Variants in MORN4 observed in about 807,000 individuals in gnomAD.
The protein encoded by MORN4 is MORN repeat containing 4, also known as MORN repeat-containing protein 4.
MORN4 carries 8 observed loss-of-function variants against 16.4 expected under a neutral mutation model. That is an observed-to-expected ratio of 0.49 (90% CI 0.29 to 0.88). The LOEUF is 0.88. Among genes scored for constraint, MORN4 ranks in the 40% least tolerant of loss-of-function variants. The probability of loss-of-function intolerance (pLI) is 0.09; values close to 1 mark genes in which losing one functional copy is unlikely to be tolerated. For missense variants in MORN4, 159 were observed against 182.9 expected, an observed-to-expected ratio of 0.87 and a Z score of 0.75; for synonymous variants, 53 against 68.9, an observed-to-expected ratio of 0.77 and a Z score of 1.14.
chr10:97,631,626 A>C (rs1050071532), intron 1 of MORN4, among the ~76,000 whole-genome samples: 3 of 152,088 alleles, frequency 2.0e-5, no homozygotes, highest in Non-Finnish European at 4.4e-5. Context: ...ATTAAAAAAA[A>C]AAAAACTGAC....
chr10:97,620,260 G>A (rs1207021206), intron 1 of MORN4, among the ~76,000 whole-genome samples: 2 of 151,886 alleles, frequency 1.3e-5, no homozygotes, highest in Non-Finnish European at 2.9e-5. Flanking sequence ...GCCGAGGTGG[G>A]TGGGATGACC....
At chr10:97,625,729 A>C (rs66539791) in intron 1 of MORN4, among the ~76,000 whole-genome samples, 18,937 of 152,222 alleles carry the variant, frequency 0.12, 2,833 homozygotes, top group African/African-American at 0.35. Context: ...CTTTATCAAC[A>C]TCCTACAGGA....
At chr10:97,623,890 G>T (rs10786359) in intron 1 of MORN4, among the ~76,000 whole-genome samples, 1 of 151,638 alleles carries the variant, frequency 6.6e-6, no homozygotes, top group Non-Finnish European at 1.5e-5. Context: ...TGCCCACCAC[G>T]ACGCCCCACT....
rs141126395 is a variant in MORN4, at chr10:97,631,232, A to G, written c.-31+2115T>C. Among the ~76,000 whole-genome samples, 523 of 152,274 alleles carry G rather than the reference A, an allele frequency of 3.4e-3. 6 individuals carry two copies. Among genetic ancestry groups the G allele is most frequent in the African/African-American group, 0.012 (503 of 41,558 alleles). ...TTTTAAAGAGAATATATGGCTCAGG[A>G]GTTTAGGCTACAGATACACCCATGG... is the stretch of plus-strand genomic sequence containing the variant. On this transcript the variant is annotated intron_variant, in intron 1 of 4. Coordinates refer to ENST00000307450, the MANE Select transcript of MORN4 (RefSeq NM_178832.4).
intron 3 of MORN4, 139 bp downstream of exon 3, chr10:97,617,069 T>C: frequency 1.4e-6 from 1 of 719,370 alleles, no homozygotes. Context: ...AAATAGCTAA[T>C]AAAAGAACTA....
At position 97,633,428 on chromosome 10, in the gene MORN4, G is replaced by GCTGCCACCTTGCTCTCCGCCACCTCCAC. The variant is rs1299380111; in HGVS notation, c.-140_-113dup. On this transcript the variant is annotated 5_prime_UTR_variant, in exon 1 of 5. An upstream open reading frame in the 5' UTR loses its in-frame stop. Coordinates refer to ENST00000307450, the MANE Select transcript of MORN4 (RefSeq NM_178832.4). This position sits in a 1 kb window ranked among gnomAD's most constrained non-coding sequence, Gnocchi z 4.5. Reference sequence around the variant, plus strand: ...GGACTTTTCCTCTGATGGGCTCCCGGCTGCCACCTTGCTCTCCGCCACCTC... The same window carrying GCTGCCACCTTGCTCTCCGCCACCTCCAC: ...GGACTTTTCCTCTGATGGGCTCCCGGCTGCCACCTTGCTCTCCGCCACCTCCACCTGCCACCTTGCTCTCCGCCACCTC... The GCTGCCACCTTGCTCTCCGCCACCTCCAC allele has an allele frequency of 4.0e-5, 51 of 1,289,752 alleles. No individual in the cohort carries two copies. The highest frequency in any genetic ancestry group is 4.8e-5 in the Non-Finnish European group (47 of 988,912). 79.9% of individuals were successfully genotyped at this position (1,289,752 alleles called of 1,614,324 possible).
intron 1 of MORN4, among the ~76,000 whole-genome samples, chr10:97,630,485 T>C (rs1301123025): frequency 6.6e-6 from 1 of 152,242 alleles, no homozygotes; most frequent in Non-Finnish European, 1.5e-5. Context: ...TTTTCAACAG[T>C]ACATACTACA....
chr10:97,618,702 T>C (rs765980202), intron 2 of MORN4, among the ~76,000 whole-genome samples: 8 of 152,122 alleles, frequency 5.3e-5, no homozygotes, highest in South Asian at 2.1e-4. Context: ...CACAGCCCTG[T>C]TGTTATAATG....
chr10:97,626,581 G>A lies in MORN4; in HGVS notation c.-31+6766C>T, dbSNP rs577756046. 1.8e-3 allele frequency among the ~76,000 whole-genome samples: 273 copies of A among 149,092 alleles called. 1 individual carries two copies. The highest frequency in any genetic ancestry group is 6.5e-3 in the African/African-American group (263 of 40,534). ...AGTAATTCTCCTGCCTCAGCCTCTC[G>A]AATAGCTGGGATTTCAGGTGACCGT... On this transcript the variant is annotated intron_variant, in intron 1 of 4. Coordinates refer to ENST00000307450, the MANE Select transcript of MORN4 (RefSeq NM_178832.4).
rs2041322117 is a variant in MORN4 at position 97,623,545 on chromosome 10, G to A, written c.-30-3862C>T. On this transcript the variant is annotated intron_variant, in intron 1 of 4. Coordinates refer to ENST00000307450, the MANE Select transcript of MORN4 (RefSeq NM_178832.4). ...AAGGACACATTCTCCTCAGAGTACT[G>A]GGGCCAGACCTGGTGGAGAAACAGG... 2.0e-5 allele frequency among the ~76,000 whole-genome samples: 3 copies of A among 152,138 alleles called. No individual in the cohort carries two copies. The South Asian group carries it at 6.2e-4, about 31-fold the overall frequency.
At position 97,616,803 on chromosome 10, in the gene MORN4, G is replaced by T; in HGVS notation, c.183-16C>A. The T allele has an allele frequency of 2.5e-6, 4 of 1,572,114 alleles. No homozygotes were observed. Among genetic ancestry groups the T allele is most frequent in the Non-Finnish European group, 3.5e-6 (4 of 1,141,816 alleles). On this transcript the variant is annotated splice_polypyrimidine_tract_variant and intron_variant, in intron 3 of 4. Transcript: ENST00000307450. ...CCCCTCATACCTGCAGAAACACCAA[G>T]AAGTTAGCCTTCAGTGGAAAGTTAG...
chr10:97,630,049 C>G (rs1321788538), intron 1 of MORN4, among the ~76,000 whole-genome samples: 1 of 150,850 alleles, frequency 6.6e-6, no homozygotes, highest in African/African-American at 2.4e-5. Flanking sequence ...CTCAGCCTCC[C>G]CAGTAGCTGG....
chr10:97,617,234 C>T lies in MORN4; in HGVS notation c.156G>A (p.Gly52=), dbSNP rs374517222. 114 of 1,613,890 alleles carry T rather than the reference C, an allele frequency of 7.1e-5. No homozygotes were observed. Among genetic ancestry groups the T allele is most frequent in the Non-Finnish European group, 9.2e-5 (109 of 1,179,984 alleles). ...TTGAACCATCTGAGAAGGTCAATAC[C>T]CCAAAGCCATTAAAGAGCCCATTCT... is the stretch of plus-strand genomic sequence containing the variant. The part of the protein sequence containing the change: ...HFENGLFNGF[G]VLTFSDGSRY... Residue 52 remains glycine (G), a synonymous_variant, in exon 3 of 5, where the codon GGG becomes GGA. Coordinates refer to ENST00000307450, the MANE Select transcript of MORN4 (RefSeq NM_178832.4).
chr10:97,619,330 A>AAAAAC (rs922586842), intron 2 of MORN4: 26 of 576,572 alleles, frequency 4.5e-5, no homozygotes, highest in African/African-American at 9.3e-5. Context: ...CCTCATCTCA[A>AAAAAC]AAAACAAAAC....
At position 97,615,903 on chromosome 10, in the gene MORN4, C is replaced by T. The variant is rs904057918; in HGVS notation, c.*360G>A. 23 of 165,692 alleles carry T rather than the reference C, an allele frequency of 1.4e-4. No homozygotes were observed. The highest frequency in any genetic ancestry group is 1.1e-3 in the Admixed American group (18 of 15,762). 10.3% of individuals were successfully genotyped at this position (165,692 alleles called of 1,614,324 possible). A position where few individuals can be genotyped will look rare whatever the true frequency, so the allele number is the denominator to read the frequency against. Reference sequence around the variant, plus strand: ...ATCACCTGTCCCCAAAGCAGCAGAACGAAGGTTCTGTATCACTTGGCAGAA... The same window carrying T: ...ATCACCTGTCCCCAAAGCAGCAGAATGAAGGTTCTGTATCACTTGGCAGAA... On this transcript the variant is annotated 3_prime_UTR_variant, in exon 5 of 5. Transcript: ENST00000307450.
upstream of MORN4, among the ~76,000 whole-genome samples, chr10:97,633,791 G>A (rs774863624): frequency 2.0e-5 from 3 of 152,234 alleles, no homozygotes; most frequent in Non-Finnish European, 2.9e-5. The surrounding 1 kb of genome is among the most constrained non-coding windows in gnomAD (Gnocchi z 4.5). Flanking sequence ...TCTTGCTCCA[G>A]TCCCCACTGC....
chr10:97,621,377 G>A (rs772620411), intron 1 of MORN4, among the ~76,000 whole-genome samples: 3 of 152,166 alleles, frequency 2.0e-5, no homozygotes, highest in South Asian at 2.1e-4. Context: ...CGACCTCTGC[G>A]GGTTTGTGAA....
chr10:97,617,283 C>G lies in MORN4; in HGVS notation c.107G>C (p.Gly36Ala). The G allele has an allele frequency of 6.2e-7, 1 of 1,614,170 alleles. No individual in the cohort carries two copies. The highest frequency in any genetic ancestry group is 8.5e-7 in the Non-Finnish European group (1 of 1,180,020). The change falls in exon 3 of 5, where the codon GGT becomes GCT. Residue 36 changes from glycine to alanine, a missense_variant. Coordinates refer to ENST00000307450, the MANE Select transcript of MORN4 (RefSeq NM_178832.4). ...HGFGQLMFADGGTYLGHFENG... is the reference protein window; with the variant it reads ...HGFGQLMFADAGTYLGHFENG... ...CTCAAAATGACCCAGGTAGGTGCCA[C>G]CATCTGCAAACATCAGTTGACCAAA...
At chr10:97,622,197 C>A (rs2041303118) in intron 1 of MORN4, among the ~76,000 whole-genome samples, 1 of 152,138 alleles carries the variant, frequency 6.6e-6, no homozygotes, top group Non-Finnish European at 1.5e-5. Flanking sequence ...TGTTTCAAGC[C>A]ACTGTGTTTT....
Sources: gnomAD v4.1 joint callset for allele counts (sites outside exome capture counted in the v4.1 genomes callset) on GRCh38, gnomAD v4.1.1 for gene constraint, Gnocchi (gnomAD v3.1) non-coding constraint, MANE v1.5 for transcripts, NCBI Gene and HGNC (gene_info 2026-07-23, HGNC 2026-07-21) for gene names.